GALNT18: variants seen among roughly 807,000 people sequenced by gnomAD.
The protein encoded by GALNT18 is polypeptide N-acetylgalactosaminyltransferase 18, also known as GalNAc-transferase 18.
GALNT18 carries 44 observed loss-of-function variants against 69.5 expected under a neutral mutation model. That is an observed-to-expected ratio of 0.63 (90% CI 0.50 to 0.81). The LOEUF is 0.81. GALNT18 is among the 40% of genes least tolerant of loss of function. The pLI, the probability that GALNT18 is intolerant of heterozygous loss-of-function variation, is 0.00. For missense variants in GALNT18, 715 were observed against 810.0 expected (o/e 0.88, Z 1.42); for synonymous variants, 364 against 318.2 (o/e 1.14, Z -1.53).
intron 1 of GALNT18, among the ~76,000 whole-genome samples, chr11:11,508,041 C>T (rs1471896016): frequency 6.6e-6 from 1 of 152,140 alleles, no homozygotes; most frequent in Non-Finnish European, 1.5e-5. Flanking sequence ...CCATATGATA[C>T]CCAAGAAATT....
chr11:11,597,600 T>C (rs1859530689), intron 1 of GALNT18, among the ~76,000 whole-genome samples: 1 of 152,150 alleles, frequency 6.6e-6, no homozygotes, highest in African/African-American at 2.4e-5. Context: ...ATAATCCTTC[T>C]TTATTTCTAA....
At position 11,602,113 on chromosome 11, in the gene GALNT18, A is replaced by T. The variant is rs1398066492; in HGVS notation, c.235+19246T>A. The stretch of plus-strand genomic sequence containing the variant: ...GCCTGCCCCTATCCCTGGGCAGAAT[A>T]TCTATACCACTGCTCTGGAGTTGTA... On this transcript the variant is annotated intron_variant, in intron 1 of 10. Transcript: ENST00000227756. This position sits in a 1 kb window ranked among gnomAD's most constrained non-coding sequence, Gnocchi z 4.7. Among the ~76,000 whole-genome samples, 1 of 152,196 alleles carries T rather than the reference A, an allele frequency of 6.6e-6. No individual in the cohort carries two copies. The highest frequency in any genetic ancestry group is 1.5e-5 in the Non-Finnish European group (1 of 68,034).
At chr11:11,290,792 G>A (rs17433894) in intron 10 of GALNT18, among the ~76,000 whole-genome samples, 1 of 152,090 alleles carries the variant, frequency 6.6e-6, no homozygotes, top group Non-Finnish European at 1.5e-5. Flanking sequence ...TGAACCCAGA[G>A]GCCCAGCAGG....
At chr11:11,527,153 G>C (rs1857543100) in intron 1 of GALNT18, among the ~76,000 whole-genome samples, 1 of 152,122 alleles carries the variant, frequency 6.6e-6, no homozygotes, top group Non-Finnish European at 1.5e-5. Flanking sequence ...AGTCTTCATT[G>C]TCTTGAAGGC....
intron 1 of GALNT18, among the ~76,000 whole-genome samples, chr11:11,462,274 C>CT (rs1391768740): frequency 0.058 from 7,969 of 137,378 alleles, 263 homozygotes; most frequent in South Asian, 0.15. Flanking sequence ...AAAGTCTTTT[C>CT]TTTTTTTTTT....
Position 11,378,916 on chromosome 11 carries a change from G to A in GALNT18, c.779+165C>T, listed in dbSNP as rs1226817254. Among the ~76,000 whole-genome samples, 4 of 152,090 alleles carry A rather than the reference G, an allele frequency of 2.6e-5. No homozygotes were observed. The South Asian group carries it at 6.2e-4, about 24-fold the overall frequency. On this transcript the variant is annotated intron_variant, in intron 4 of 10. Transcript: ENST00000227756. ...CTCTACCACACCTCGAACCCTAAAG[G>A]TCCAGCCTTGTTGCCTGGCTCACTC...
intron 7 of GALNT18, among the ~76,000 whole-genome samples, chr11:11,336,998 G>A (rs747485799): frequency 1.3e-5 from 2 of 152,114 alleles, no homozygotes; most frequent in South Asian, 2.1e-4. Flanking sequence ...AGGGCTTCCT[G>A]GAGTAAGCAA....
At chr11:11,326,993 G>T in intron 9 of GALNT18, 93 bp downstream of exon 9, 1 of 927,974 alleles carries the variant, frequency 1.1e-6, no homozygotes, top group Non-Finnish European at 1.7e-6. Flanking sequence ...ACAGAGCCTA[G>T]CTCTCCTTCC....
chr11:11,318,232 C>A lies in GALNT18; in HGVS notation c.1512+8854G>T, dbSNP rs1849788992. 6.6e-6 allele frequency among the ~76,000 whole-genome samples: 1 copy of A among 152,078 alleles called. No individual in the cohort carries two copies. Among genetic ancestry groups the A allele is most frequent in the Non-Finnish European group, 1.5e-5 (1 of 68,022 alleles). On this transcript the variant is annotated intron_variant, in intron 9 of 10. Transcript: ENST00000227756. This position sits in a 1 kb window ranked among gnomAD's most constrained non-coding sequence, Gnocchi z 5.1. ...GTGAACTGGGTTGGATTGTGTCACC[C>A]CAAAATTCATATGTTAAAGTCCTAA...
chr11:11,580,619 G>A (rs1204809114), intron 1 of GALNT18, among the ~76,000 whole-genome samples: 1 of 152,244 alleles, frequency 6.6e-6, no homozygotes, highest in Non-Finnish European at 1.5e-5. Flanking sequence ...GAACAGATGG[G>A]CACTGCCCAT....
intron 1 of GALNT18, among the ~76,000 whole-genome samples, chr11:11,495,128 C>T (rs1856844663): frequency 6.6e-6 from 1 of 152,140 alleles, no homozygotes; most frequent in Non-Finnish European, 1.5e-5. Context: ...ATCAGGCCAG[C>T]ATTTTGTCAG....
At chr11:11,416,654 G>T (rs573346127) in intron 3 of GALNT18, among the ~76,000 whole-genome samples, 50 of 152,284 alleles carry the variant, frequency 3.3e-4, no homozygotes, top group African/African-American at 1.2e-3. Context: ...GTTTTGTTCA[G>T]CTCTGACGTG....
intron 1 of GALNT18, among the ~76,000 whole-genome samples, chr11:11,578,685 C>T (rs916104611): frequency 1.6e-4 from 25 of 152,350 alleles, no homozygotes; most frequent in South Asian, 2.1e-4. Flanking sequence ...CAAGGTTGTG[C>T]GTCGCAGCAG....
intron 10 of GALNT18, among the ~76,000 whole-genome samples, chr11:11,274,408 A>C (rs1369835891): frequency 6.6e-6 from 1 of 152,096 alleles, no homozygotes; most frequent in Non-Finnish European, 1.5e-5. Flanking sequence ...AGTGGGTCCC[A>C]CTCCCACAGA....
At chr11:11,440,050 C>G (rs1428111422) in intron 2 of GALNT18, among the ~76,000 whole-genome samples, 1 of 152,172 alleles carries the variant, frequency 6.6e-6, no homozygotes, top group African/African-American at 2.4e-5. Flanking sequence ...GAATTTGGTG[C>G]AAGAATTGCT....
chr11:11,289,146 T>C (rs2132998830), intron 10 of GALNT18, among the ~76,000 whole-genome samples: 1 of 152,306 alleles, frequency 6.6e-6, no homozygotes, highest in South Asian at 2.1e-4. Context: ...TCTTCAGGCC[T>C]TGTCAACAGC....
chr11:11,469,902 T>C lies in GALNT18; in HGVS notation c.236-20966A>G, dbSNP rs974667573. Among the ~76,000 whole-genome samples, 4 of 152,204 alleles carry C rather than the reference T, an allele frequency of 2.6e-5. No homozygotes were observed. Among genetic ancestry groups the C allele is most frequent in the Non-Finnish European group, 5.9e-5 (4 of 68,032 alleles). On this transcript the variant is annotated intron_variant, in intron 1 of 10. Coordinates refer to ENST00000227756, the MANE Select transcript of GALNT18 (RefSeq NM_198516.3). The surrounding 1 kb of genome is among the most constrained non-coding windows in gnomAD (Gnocchi z 4.2). ...CATATTTAAGGACATAGTCATTCCATCAGGCCCCCAGAACAGGGTCCCTAG... is the reference window on the plus strand; with the variant it reads ...CATATTTAAGGACATAGTCATTCCACCAGGCCCCCAGAACAGGGTCCCTAG...
chr11:11,504,099 C>T (rs981692652), intron 1 of GALNT18, among the ~76,000 whole-genome samples: 2 of 152,218 alleles, frequency 1.3e-5, no homozygotes, highest in Non-Finnish European at 2.9e-5. Context: ...GAAGTTCTGC[C>T]TTTACACAGT....
intron 3 of GALNT18, among the ~76,000 whole-genome samples, chr11:11,390,288 C>T (rs1234685329): frequency 6.6e-6 from 1 of 152,172 alleles, no homozygotes; most frequent in African/African-American, 2.4e-5. Flanking sequence ...GCACTACCTG[C>T]TACCTCCACC....
Sources: allele counts gnomAD v4.1 joint callset (sites outside exome capture counted in the v4.1 genomes callset), GRCh38; gene constraint gnomAD v4.1.1; non-coding constraint Gnocchi (gnomAD v3.1); transcripts MANE v1.5; gene names NCBI Gene and HGNC (gene_info 2026-07-23, HGNC 2026-07-21).